The following INTS15 variants were observed in gnomAD, a reference collection of about 807,000 sequenced individuals.
The protein encoded by INTS15 is integrator complex subunit 15, also known as uncharacterized protein C7orf26.
chr7:6,592,386 G>C, the INTS15 span, among the ~76,000 whole-genome samples: 2 of 151,898 alleles, frequency 1.3e-5, no homozygotes, highest in South Asian at 4.2e-4. Flanking sequence ...GGCCAACATG[G>C]TGAAACCCTG....
chr7:6,598,130 T>C, the INTS15 span, among the ~76,000 whole-genome samples: 1 of 151,928 alleles, frequency 6.6e-6, no homozygotes, highest in Non-Finnish European at 1.5e-5. Context: ...GAGAGGTGGG[T>C]ATGACCTGGT....
At chr7:6,598,383 C>T in the INTS15 span, among the ~76,000 whole-genome samples, 6 of 150,798 alleles carry the variant, frequency 4.0e-5, no homozygotes, top group Middle Eastern at 3.4e-3. Flanking sequence ...ACAGGAGAAT[C>T]GCTTGAACCC....
chr7:6,591,946 C>T, the INTS15 span: 9 of 1,350,638 alleles, frequency 6.7e-6, no homozygotes, highest in East Asian at 2.4e-5. Flanking sequence ...CTGAGGTGGG[C>T]GGATCACTTG....
the INTS15 span, among the ~76,000 whole-genome samples, chr7:6,599,244 G>T: frequency 6.6e-6 from 1 of 152,176 alleles, no homozygotes. Context: ...CAGACTAAGT[G>T]TCACCATCTG....
At chr7:6,605,908 A>G in the INTS15 span, among the ~76,000 whole-genome samples, 1 of 152,136 alleles carries the variant, frequency 6.6e-6, no homozygotes, top group Non-Finnish European at 1.5e-5. Flanking sequence ...CATGTTGGCC[A>G]GGCTGGCCTC....
chr7:6,607,497 G>A, the INTS15 span: 10 of 1,296,918 alleles, frequency 7.7e-6, no homozygotes, highest in Non-Finnish European at 1.0e-5. The surrounding 1 kb of genome is among the most constrained non-coding windows in gnomAD (Gnocchi z 6.0). Context: ...GGCCTGGGCC[G>A]TCCCCGAGGG....
the INTS15 span, chr7:6,602,777 A>G: frequency 2.1e-6 from 1 of 470,658 alleles, no homozygotes; most frequent in African/African-American, 2.0e-5. Flanking sequence ...CTGTGGTCAG[A>G]TTCTGGAGAG....
the INTS15 span, chr7:6,590,511 AGGCGGGCG>A: frequency 4.6e-6 from 7 of 1,514,726 alleles, no homozygotes; most frequent in Non-Finnish European, 6.2e-6. Context: ...CGGGCCCCGC[AGGCGGGCG>A]GGCGGGCCTT....
the INTS15 span, among the ~76,000 whole-genome samples, chr7:6,606,178 GTTAC>G: frequency 5.4e-3 from 819 of 152,332 alleles, 11 homozygotes; most frequent in African/African-American, 0.019. Flanking sequence ...CTCTTGCTAA[GTTAC>G]TTACCCAGGG....
the INTS15 span, chr7:6,594,597 T>C: frequency 2.5e-6 from 4 of 1,613,976 alleles, no homozygotes; most frequent in Non-Finnish European, 8.5e-7. Context: ...TGACCTGTCA[T>C]CAGGTAAACT....
chr7:6,600,409 A>G, the INTS15 span: 1 of 1,524,194 alleles, frequency 6.6e-7, no homozygotes, highest in Non-Finnish European at 8.8e-7. Context: ...GCCGCCCTGC[A>G]GAAGGAAGGA....
the INTS15 span, among the ~76,000 whole-genome samples, chr7:6,603,407 T>G: frequency 6.8e-6 from 1 of 146,322 alleles, no homozygotes; most frequent in Non-Finnish European, 1.5e-5. Flanking sequence ...ATTAGCCAGG[T>G]GTGGTGGCAT....
chr7:6,590,950 C>T, the INTS15 span, among the ~76,000 whole-genome samples: 1 of 151,756 alleles, frequency 6.6e-6, no homozygotes, highest in East Asian at 1.9e-4. Flanking sequence ...GTAATCCTCC[C>T]GCCTCATCCT....
the INTS15 span, chr7:6,594,283 G>T: frequency 1.3e-6 from 1 of 741,250 alleles, no homozygotes; most frequent in Non-Finnish European, 2.2e-6. Context: ...TGGGATTACA[G>T]ATATGAGCCA....
At chr7:6,605,328 C>T in the INTS15 span, among the ~76,000 whole-genome samples, 17 of 152,142 alleles carry the variant, frequency 1.1e-4, no homozygotes, top group African/African-American at 3.9e-4. Flanking sequence ...GAAGTTTCCA[C>T]AGCATCGAAG....
At chr7:6,595,501 G>A in the INTS15 span, among the ~76,000 whole-genome samples, 2 of 152,076 alleles carry the variant, frequency 1.3e-5, no homozygotes, top group Admixed American at 6.6e-5. Context: ...AAAGCTAAAG[G>A]TGTGGACCAC....
At chr7:6,607,891 C>T in the INTS15 span, 1 of 1,580,426 alleles carries the variant, frequency 6.3e-7, no homozygotes, top group Non-Finnish European at 8.5e-7. The surrounding 1 kb of genome is among the most constrained non-coding windows in gnomAD (Gnocchi z 6.0). Context: ...GGGACGGGGT[C>T]AGCCTACCGT....
the INTS15 span, among the ~76,000 whole-genome samples, chr7:6,603,780 AGTGAGCCAAGACC>A: frequency 6.6e-6 from 1 of 152,192 alleles, no homozygotes; most frequent in Admixed American, 6.5e-5. Context: ...CAGAAGTTGT[AGTGAGCCAAGACC>A]GCACCATTGC....
At chr7:6,608,015 C>T in the INTS15 span, 4 of 1,600,372 alleles carry the variant, frequency 2.5e-6, no homozygotes, top group Non-Finnish European at 3.4e-6. Context: ...CGCCGCGCTC[C>T]CCCCGGGGTT....
Sources: allele counts gnomAD v4.1 joint callset (sites outside exome capture counted in the v4.1 genomes callset), GRCh38; gene constraint gnomAD v4.1.1; non-coding constraint Gnocchi (gnomAD v3.1); transcripts MANE v1.5; gene names NCBI Gene and HGNC (gene_info 2026-07-23, HGNC 2026-07-21).